Variants in HIF3A observed in about 807,000 individuals in gnomAD.
HIF3A encodes the protein hypoxia inducible factor 3 subunit alpha.
HIF3A carries 41 observed loss-of-function variants against 67.2 expected under a neutral mutation model. The observed-to-expected ratio is 0.61, with a 90% CI of 0.48 to 0.79. The LOEUF (loss-of-function observed/expected upper bound fraction) is 0.79, where lower values mean the gene tolerates loss of function less well. HIF3A is among the 30% of genes least tolerant of loss of function. The pLI is 0.00. For synonymous variants in HIF3A, 356 were observed against 374.8 expected (o/e 0.95, Z 0.58); for missense variants, 855 against 898.0 (o/e 0.95, Z 0.61).
At chr19:46,303,730 A>G (rs929790496) in intron 1 of HIF3A, 168 bp from the exon 2 acceptor site, 2 of 1,539,330 alleles carry the variant, frequency 1.3e-6, no homozygotes, top group Non-Finnish European at 8.8e-7. Context: ...TAGCCCTTCC[A>G]GGCCCAGGGA....
At chr19:46,305,412 G>A in intron 3 of HIF3A, 22 bp downstream of exon 3, 2 of 1,611,702 alleles carry the variant, frequency 1.2e-6, no homozygotes, top group South Asian at 2.2e-5. Context: ...TCCTTGCTCT[G>A]TGCCTGGCCC....
chr19:46,321,902 G>A lies in HIF3A; in HGVS notation c.1271G>A (p.Gly424Glu). The change falls in exon 10 of 15, where the codon GGG (glycine) becomes GAG (glutamate). Residue 424 changes from glycine (G) to glutamate (E), a missense_variant. Coordinates refer to ENST00000377670, the MANE Select transcript of HIF3A (RefSeq NM_152795.4). ...LRRLLGPILDGASVAATPSTP... is the reference protein window; with the variant it reads ...LRRLLGPILDEASVAATPSTP... ...CGCCTCCTGGGACCCATCCTGGATG[G>A]GGCTTCAGTAGCAGCCACTCCCAGC... The A allele has an allele frequency of 6.2e-7, 1 of 1,613,930 alleles. No individual in the cohort carries two copies. Among genetic ancestry groups the A allele is most frequent in the Non-Finnish European group, 8.5e-7 (1 of 1,180,030 alleles).
chr19:46,303,602 TAAGTC>T lies in HIF3A; in HGVS notation c.27-294_27-290del, dbSNP rs1369811348. ...CCTAGCCTGGGAAATAAACTGCAGA[TAAGTC>T]AGGGAGGGGACAGAGCGGCCCTAGG... is the stretch of plus-strand genomic sequence containing the variant. On this transcript the variant is annotated intron_variant, in intron 1 of 14. Coordinates refer to ENST00000377670, the MANE Select transcript of HIF3A (RefSeq NM_152795.4). 5.8e-6 allele frequency: 9 copies of T among 1,553,924 alleles called. No homozygotes were observed. In the East Asian group the frequency reaches 1.9e-4, roughly 32 times the overall value.
chr19:46,298,277 C>A, intron 1 of HIF3A: 1 of 572,686 alleles, frequency 1.7e-6, no homozygotes, highest in Non-Finnish European at 2.8e-6. Flanking sequence ...GGAACTCTAT[C>A]CCACCCCTTT....
rs757462667 is a variant in HIF3A, at chr19:46,341,740, C to G, written c.*2118C>G. ...TCACTGCAACCTCCGCCTCCTGATT[C>G]AAGTGATTCTCCTGCCTCAGCCTCC... On this transcript the variant is annotated 3_prime_UTR_variant, in exon 15 of 15. Coordinates refer to ENST00000377670, the MANE Select transcript of HIF3A (RefSeq NM_152795.4). 5 of 151,084 alleles carry G rather than the reference C, an allele frequency of 3.3e-5. No individual in the cohort carries two copies. The highest frequency in any genetic ancestry group is 7.4e-5 in the Non-Finnish European group (5 of 67,934). 9.4% of individuals were successfully genotyped at this position (151,084 alleles called of 1,614,324 possible). A position where few individuals can be genotyped will look rare whatever the true frequency, so the allele number is the denominator to read the frequency against.
intron 12 of HIF3A, among the ~76,000 whole-genome samples, chr19:46,330,842 A>AGATG (rs531051205): frequency 2.7e-4 from 39 of 145,822 alleles, no homozygotes; most frequent in Admixed American, 2.3e-3. Flanking sequence ...GATGGATGGC[A>AGATG]GATGGATGGA....
At chr19:46,316,579 G>A (rs1969930379) in intron 8 of HIF3A, among the ~76,000 whole-genome samples, 1 of 152,146 alleles carries the variant, frequency 6.6e-6, no homozygotes, top group African/African-American at 2.4e-5. Context: ...GAGGTGGGCA[G>A]ATGACTTGAG....
In HIF3A at chr19:46,309,281, G is replaced by C. The variant is rs775745857; in HGVS notation, c.692G>C (p.Ser231Thr). 1.2e-6 allele frequency: 2 copies of C among 1,613,514 alleles called. No individual in the cohort carries two copies. Among genetic ancestry groups the C allele is most frequent in the African/African-American group, 2.7e-5 (2 of 74,906 alleles). Residue 231 changes from serine to threonine, a missense_variant, in exon 6 of 15, where the codon AGC becomes ACC. Ser to Thr is a moderately conservative substitution (Grantham distance 58, BLOSUM62 1). Around this residue, in one of 3 missense-constraint regions of HIF3A, gnomAD observed 638 missense variants for 660.5 expected, o/e 0.97. Coordinates refer to ENST00000377670, the MANE Select transcript of HIF3A (RefSeq NM_152795.4). The stretch of plus-strand genomic sequence containing the variant: ...TGCGAAGCCATCCCCCACCCAGGCA[G>C]CCTGGAGCCCCCACTGGGCCGAGGG... ...LICEAIPHPG[S>T]LEPPLGRGAF...
Position 46,339,574 on chromosome 19 carries a change from GCCCGGGGGCCCCTT to G in HIF3A, c.1965_1978del (p.Gly656AlafsTer9), listed in dbSNP as rs765343833. ...CGTACTCAGACGAGGACACTACCCA[GCCCGGGGGCCCCTT>G]CCAGCCAAGGGCAGGCTCAGCCCAG... On this transcript the variant is annotated frameshift_variant, in exon 15 of 15. Transcript: ENST00000377670. LOFTEE classifies it high-confidence loss of function. 9 of 1,609,148 alleles carry G rather than the reference GCCCGGGGGCCCCTT, an allele frequency of 5.6e-6. No individual in the cohort carries two copies. The highest frequency in any genetic ancestry group is 7.6e-6 in the Non-Finnish European group (9 of 1,177,094).
At chr19:46,334,688 C>T (rs541786556) in intron 13 of HIF3A, among the ~76,000 whole-genome samples, 191 of 152,236 alleles carry the variant, frequency 1.3e-3, no homozygotes, top group African/African-American at 4.5e-3. Context: ...ACTAAGATTA[C>T]AGGCACATGC....
At chr19:46,329,854 G>C (rs1163276040) in intron 12 of HIF3A, among the ~76,000 whole-genome samples, 1 of 151,810 alleles carries the variant, frequency 6.6e-6, no homozygotes, top group Non-Finnish European at 1.5e-5. Context: ...CTAGCTACTT[G>C]GGAGGCTGAG....
chr19:46,337,720 G>A (rs76045017), intron 14 of HIF3A, among the ~76,000 whole-genome samples: 199 of 152,258 alleles, frequency 1.3e-3, no homozygotes, highest in Middle Eastern at 6.8e-3. Context: ...CCTTCTGCCT[G>A]GCATACTTTT....
At chr19:46,334,623 C>T (rs923969291) in intron 13 of HIF3A, among the ~76,000 whole-genome samples, 2 of 152,208 alleles carry the variant, frequency 1.3e-5, no homozygotes, top group Non-Finnish European at 2.9e-5. Context: ...TCATAGCTCA[C>T]TGCAACCTCA....
intron 11 of HIF3A, among the ~76,000 whole-genome samples, chr19:46,327,894 T>C (rs1970907912): frequency 6.6e-6 from 1 of 152,176 alleles, no homozygotes; most frequent in African/African-American, 2.4e-5. Context: ...AAAGTTTTCT[T>C]CTCCTCAGGG....
intron 1 of HIF3A, among the ~76,000 whole-genome samples, chr19:46,302,037 A>T (rs547814637): frequency 6.6e-6 from 1 of 152,202 alleles, no homozygotes; most frequent in East Asian, 1.9e-4. Context: ...ATACTACACT[A>T]GATTATATAT....
chr19:46,318,996 C>T (rs914953821), intron 8 of HIF3A, among the ~76,000 whole-genome samples: 5 of 152,152 alleles, frequency 3.3e-5, no homozygotes, highest in Non-Finnish European at 7.3e-5. Flanking sequence ...GATTTGAACC[C>T]AGGCCACTGA....
At chr19:46,308,060 C>T (rs946851332) in intron 3 of HIF3A, among the ~76,000 whole-genome samples, 161 bp from the exon 4 acceptor site, 1 of 152,052 alleles carries the variant, frequency 6.6e-6, no homozygotes, top group Non-Finnish European at 1.5e-5. Context: ...AATGCTTGCT[C>T]AGTGGGTGGA....
intron 11 of HIF3A, among the ~76,000 whole-genome samples, chr19:46,327,333 T>G (rs1488043086): frequency 1.3e-5 from 2 of 150,390 alleles, no homozygotes; most frequent in African/African-American, 4.9e-5. Flanking sequence ...TTTTTTTTTT[T>G]GAAATGGAGC....
Position 46,340,450 on chromosome 19 carries a change from C to G in HIF3A, c.*828C>G, listed in dbSNP as rs140266257. 2,115 of 154,700 alleles carry G rather than the reference C, an allele frequency of 0.014. 41 individuals carry two copies. Among genetic ancestry groups the G allele is most frequent in the Non-Finnish European group, 0.015 (1,076 of 69,706 alleles). The allele number at this position is 154,700 out of a possible 1,614,324, so 9.6% of individuals were successfully genotyped here. On this transcript the variant is annotated 3_prime_UTR_variant, in exon 15 of 15. Coordinates refer to ENST00000377670, the MANE Select transcript of HIF3A (RefSeq NM_152795.4). Reference sequence around the variant, plus strand: ...TCCAATGTGGTCTGCTTTAGATCACCTTCTTCTTCTTCCTTCTTCCTCTTC... The same window carrying G: ...TCCAATGTGGTCTGCTTTAGATCACGTTCTTCTTCTTCCTTCTTCCTCTTC...
Sources: gnomAD v4.1 joint callset for allele counts (sites outside exome capture counted in the v4.1 genomes callset) on GRCh38, gnomAD v4.1.1 for gene constraint, gnomAD v4.1.1 regional missense constraint, MANE v1.5 for transcripts, NCBI Gene and HGNC (gene_info 2026-07-23, HGNC 2026-07-21) for gene names.